Variants in SLC12A5 observed in about 807,000 individuals in gnomAD.
SLC12A5 encodes the protein K-Cl cotransporter 2.
A neutral mutation model predicts 124.0 loss-of-function variants in SLC12A5; 18 were observed. The observed-to-expected ratio is 0.15, with a 90% CI of 0.10 to 0.22. The LOEUF is 0.22. Ranked by LOEUF, SLC12A5 falls within the 10% of genes least tolerant of loss-of-function variation. The pLI is 1.00. For missense variants in SLC12A5, 867 were observed against 1,478.7 expected, an observed-to-expected ratio of 0.59 and a Z score of 6.78; for synonymous variants, 589 against 568.0, an observed-to-expected ratio of 1.04 and a Z score of -0.53.
chr20:46,034,551 G>T (rs2084480383), intron 1 of SLC12A5, among the ~76,000 whole-genome samples: 1 of 152,170 alleles, frequency 6.6e-6, no homozygotes, highest in Non-Finnish European at 1.5e-5. Context: ...ACTTCTTCAA[G>T]AAGTGGCACA....
chr20:46,044,889 T>C lies in SLC12A5; in HGVS notation c.1395-77T>C. 3 of 1,556,072 alleles carry C rather than the reference T, an allele frequency of 1.9e-6. No individual in the cohort carries two copies. In the South Asian group the frequency reaches 3.4e-5, roughly 18 times the overall value. On this transcript the variant is annotated intron_variant, in intron 11 of 25. Transcript: ENST00000243964. ...CCTGTGGCAGGCACACAGTTGGTTC[T>C]GTAGTTGGTATGGAGACCTGCCCTG...
upstream of SLC12A5, chr20:46,029,108 C>T (rs2084422087): frequency 7.5e-7 from 1 of 1,334,586 alleles, no homozygotes; most frequent in Non-Finnish European, 9.6e-7. Context: ...CAGTGGCTCA[C>T]GCCTCCTGCA....
chr20:46,049,251 T>A (rs1012926851), intron 16 of SLC12A5, among the ~76,000 whole-genome samples: 14 of 152,192 alleles, frequency 9.2e-5, no homozygotes, highest in African/African-American at 3.1e-4. Context: ...CATAAATAGA[T>A]GGGTAGATGG....
rs922855506 is a variant in SLC12A5 at position 46,059,739 on chromosome 20, GTAGT to G, written c.*2138_*2141del. 5 of 398,674 alleles carry G rather than the reference GTAGT, an allele frequency of 1.3e-5. No individual in the cohort carries two copies. The highest frequency in any genetic ancestry group is 2.6e-4 in the South Asian group (2 of 7,738). 24.7% of individuals were successfully genotyped at this position (398,674 alleles called of 1,614,324 possible). ...TCATCAAGTTATCTTTATAATCACT[GTAGT>G]TAGATGTTTCATGTCCATTCAAGTG... On this transcript the variant is annotated 3_prime_UTR_variant, in exon 26 of 26. Transcript: ENST00000243964.
rs1284761457 is a variant in SLC12A5 at position 46,053,091 on chromosome 20, C to G, written c.2512C>G (p.Leu838Val). The change falls in exon 19 of 26, where the codon CTC becomes GTC. Residue 838 changes from leucine to valine, a missense_variant. By Grantham distance (32) the Leu-to-Val change is conservative. Transcript: ENST00000243964. This position sits in a 1 kb window ranked among gnomAD's most constrained non-coding sequence, Gnocchi z 4.7. ...GTGGATTGTGCACGATGGAGGCATG[C>G]TCATGCTGCTGCCCTTCCTGCTGCG... ...VWWIVHDGGM[L>V]MLLPFLLRHH... 6.2e-7 allele frequency: 1 copy of G among 1,612,736 alleles called. No individual in the cohort carries two copies. The highest frequency in any genetic ancestry group is 2.2e-5 in the East Asian group (1 of 44,818).
chr20:46,059,841 A>G lies in SLC12A5; in HGVS notation c.*2236A>G, dbSNP rs2084737634. ...GTGTTGCTTTTGTTTTAGATGATCTATGTGCAGGGCAATGCAATGAAGTTG... is the reference window on the plus strand; with the variant it reads ...GTGTTGCTTTTGTTTTAGATGATCTGTGTGCAGGGCAATGCAATGAAGTTG... On this transcript the variant is annotated 3_prime_UTR_variant, in exon 26 of 26. Transcript: ENST00000243964. 3 of 391,760 alleles carry G rather than the reference A, an allele frequency of 7.7e-6. No homozygotes were observed. Among genetic ancestry groups the G allele is most frequent in the Non-Finnish European group, 1.4e-5 (3 of 222,168 alleles). The allele number at this position is 391,760 out of a possible 1,614,324, so 24.3% of individuals were successfully genotyped here. A position where few individuals can be genotyped will look rare whatever the true frequency, so the allele number is the denominator to read the frequency against.
At chr20:46,027,283 G>T (rs1052621224), upstream of SLC12A5, among the ~76,000 whole-genome samples, 1 of 152,186 alleles carries the variant, frequency 6.6e-6, no homozygotes, top group African/African-American at 2.4e-5. Flanking sequence ...TCTCCACCCT[G>T]AAAGGTCCTT....
At chr20:46,040,660 C>G (rs2084537677) in intron 7 of SLC12A5, 46 bp downstream of exon 7, 3 of 1,600,818 alleles carry the variant, frequency 1.9e-6, no homozygotes, top group East Asian at 2.2e-5. Flanking sequence ...TCCTACCTCC[C>G]TGGCCCTGTT....
At position 46,057,575 on chromosome 20, in the gene SLC12A5, C is replaced by G; in HGVS notation, c.3321C>G (p.Gly1107=). The G allele has an allele frequency of 6.2e-7, 1 of 1,613,936 alleles. No individual in the cohort carries two copies. The highest frequency in any genetic ancestry group is 8.5e-7 in the Non-Finnish European group (1 of 1,179,926). The change falls in exon 26 of 26, where the codon GGC becomes GGG. Residue 1107 remains glycine, a synonymous_variant. Transcript: ENST00000243964. This position sits in a 1 kb window ranked among gnomAD's most constrained non-coding sequence, Gnocchi z 7.1. ...ACCGGGTGATGCTGGTCCGCGGCGG[C>G]GGCCGCGAGGTCATCACCATCTACT... ...HLDRVMLVRG[G]GREVITIYS
At chr20:46,030,527 C>G (rs1381345875) in intron 1 of SLC12A5, among the ~76,000 whole-genome samples, 2 of 151,746 alleles carry the variant, frequency 1.3e-5, no homozygotes, top group Admixed American at 1.3e-4. Context: ...CCCCACCCCC[C>G]ACTCTCCAGC....
chr20:46,029,595 C>G (rs984856067), intron 1 of SLC12A5, among the ~76,000 whole-genome samples, 199 bp downstream of exon 1: 3 of 152,014 alleles, frequency 2.0e-5, no homozygotes, highest in South Asian at 2.1e-4. Flanking sequence ...GCGCCGCGCC[C>G]GGGGGCAGAG....
Position 46,057,724 on chromosome 20 carries a change from T to G in SLC12A5, c.*119T>G. 1 of 763,536 alleles carries G rather than the reference T, an allele frequency of 1.3e-6. No individual in the cohort carries two copies. The highest frequency in any genetic ancestry group is 2.0e-6 in the Non-Finnish European group (1 of 491,314). The allele number at this position is 763,536 out of a possible 1,614,324, so 47.3% of individuals were successfully genotyped here. A position where few individuals can be genotyped will look rare whatever the true frequency, so the allele number is the denominator to read the frequency against. Reference sequence around the variant, plus strand: ...ACCCTGTGCCCGTGTCCTGGCCCCTTACCCCGCTGCCTGAAGCCCGGAGGC... The same window carrying G: ...ACCCTGTGCCCGTGTCCTGGCCCCTGACCCCGCTGCCTGAAGCCCGGAGGC... On this transcript the variant is annotated 3_prime_UTR_variant, in exon 26 of 26. Transcript: ENST00000243964. This position sits in a 1 kb window ranked among gnomAD's most constrained non-coding sequence, Gnocchi z 7.1.
chr20:46,059,359 C>A lies in SLC12A5; in HGVS notation c.*1754C>A, dbSNP rs1231364867. 1.0e-5 allele frequency: 4 copies of A among 386,740 alleles called. No homozygotes were observed. The highest frequency in any genetic ancestry group is 9.0e-5 in the Admixed American group (2 of 22,320). 24.0% of individuals were successfully genotyped at this position (386,740 alleles called of 1,614,324 possible). On this transcript the variant is annotated 3_prime_UTR_variant, in exon 26 of 26. Coordinates refer to ENST00000243964, the MANE Select transcript of SLC12A5 (RefSeq NM_020708.5). ...GGTAGGTTTGGAGGTCTGCCAGTTA[C>A]ACCAAGTCCCCTCTGAGATTCGATC...
At chr20:46,044,376 A>G (rs2084575113) in intron 11 of SLC12A5, among the ~76,000 whole-genome samples, 1 of 152,136 alleles carries the variant, frequency 6.6e-6, no homozygotes, top group Non-Finnish European at 1.5e-5. Flanking sequence ...GGGTGGCCAT[A>G]CAGGAAAGCC....
chr20:46,056,965 C>T lies in SLC12A5; in HGVS notation c.3125+54C>T, dbSNP rs2084701511. 2.5e-6 allele frequency: 4 copies of T among 1,613,180 alleles called. No individual in the cohort carries two copies. In the East Asian group the frequency reaches 8.9e-5, roughly 36 times the overall value. ...TCTCCTAGGATGGCCAGGGTCCCTACCCTCCTCACTCTGTTGTGAACCCCT... is the reference window on the plus strand; with the variant it reads ...TCTCCTAGGATGGCCAGGGTCCCTATCCTCCTCACTCTGTTGTGAACCCCT... On this transcript the variant is annotated intron_variant, in intron 24 of 25. Coordinates refer to ENST00000243964, the MANE Select transcript of SLC12A5 (RefSeq NM_020708.5). This position sits in a 1 kb window ranked among gnomAD's most constrained non-coding sequence, Gnocchi z 4.3.
At chr20:46,025,447 A>G (rs1160475556), upstream of SLC12A5, among the ~76,000 whole-genome samples, 3 of 152,102 alleles carry the variant, frequency 2.0e-5, no homozygotes, top group Admixed American at 6.5e-5. Context: ...TGCCATGGTG[A>G]CAGGCTGCTC....
chr20:46,031,094 C>A (rs2084445780), intron 1 of SLC12A5, among the ~76,000 whole-genome samples: 1 of 152,206 alleles, frequency 6.6e-6, no homozygotes, highest in Non-Finnish European at 1.5e-5. Context: ...TCTCTCTGTT[C>A]CCTCAGACAC....
At chr20:46,046,185 T>C (rs2084593976) in intron 13 of SLC12A5, among the ~76,000 whole-genome samples, 153 bp from the exon 14 acceptor site, 1 of 152,084 alleles carries the variant, frequency 6.6e-6, no homozygotes, top group African/African-American at 2.4e-5. Context: ...GTTGTGAGGG[T>C]ATTTGGCTTG....
intron 7 of SLC12A5, 79 bp downstream of exon 7, chr20:46,040,693 C>G (rs1015892863): frequency 7.7e-6 from 12 of 1,562,854 alleles, no homozygotes; most frequent in East Asian, 2.3e-5. Flanking sequence ...CCAAACTCCC[C>G]CTCCCTGCCC....
Sources: gnomAD v4.1 joint callset for allele counts (sites outside exome capture counted in the v4.1 genomes callset) on GRCh38, gnomAD v4.1.1 for gene constraint, Gnocchi (gnomAD v3.1) non-coding constraint, MANE v1.5 for transcripts, NCBI Gene and HGNC (gene_info 2026-07-23, HGNC 2026-07-21) for gene names.